CREB3L1: variants seen among roughly 807,000 people sequenced by gnomAD.
CREB3L1 encodes the protein cAMP responsive element binding protein 3 like 1.
CREB3L1 carries 33 observed loss-of-function variants against 54.5 expected under a neutral mutation model. The ratio of observed to expected loss-of-function variants is 0.61; its 90% CI spans 0.46 to 0.81. CREB3L1 has a LOEUF of 0.81. Ranked by LOEUF, CREB3L1 falls within the 30% of genes least tolerant of loss-of-function variation. CREB3L1 has a pLI of 0.00. For synonymous variants in CREB3L1, 284 were observed against 286.4 expected (o/e 0.99, Z 0.08); for missense variants, 656 against 673.3 (o/e 0.97, Z 0.29).
chr11:46,298,464 G>A (rs193059309), intron 1 of CREB3L1, among the ~76,000 whole-genome samples: 7 of 152,316 alleles, frequency 4.6e-5, no homozygotes, highest in Admixed American at 2.0e-4. Flanking sequence ...TTGGAAGGCC[G>A]AGGCGGGCAG....
At chr11:46,282,309 T>C (rs1397723285) in intron 1 of CREB3L1, among the ~76,000 whole-genome samples, 4 of 152,046 alleles carry the variant, frequency 2.6e-5, no homozygotes, top group Non-Finnish European at 5.9e-5. Context: ...TTTTAATGAG[T>C]TCTCATTACC....
At chr11:46,308,047 GGTGGGTCT>G in intron 3 of CREB3L1, 47 bp downstream of exon 3, 4 of 1,443,294 alleles carry the variant, frequency 2.8e-6, no homozygotes. Flanking sequence ...GAGGAGGGCT[GGTGGGTCT>G]GTGGGAAGAG....
chr11:46,312,963 G>A (rs1261514590), intron 8 of CREB3L1, 44 bp downstream of exon 8: 4 of 1,443,820 alleles, frequency 2.8e-6, no homozygotes, highest in Non-Finnish European at 3.8e-6. Context: ...CTGCCCCTCT[G>A]CAACCCGTGC....
intron 1 of CREB3L1, among the ~76,000 whole-genome samples, chr11:46,285,884 C>T (rs1467447242): frequency 6.6e-6 from 1 of 152,232 alleles, no homozygotes; most frequent in Non-Finnish European, 1.5e-5. Context: ...TTCAGGCCTT[C>T]ATGGAGAGCC....
Position 46,297,471 on chromosome 11 carries a change from G to A in CREB3L1, c.103-2464G>A, listed in dbSNP as rs572807725. On this transcript the variant is annotated intron_variant, in intron 1 of 11. Coordinates refer to ENST00000621158, the MANE Select transcript of CREB3L1 (RefSeq NM_052854.4). ...CCTGCTTCAGGGCAATTACCGGACC[G>A]GGGAGGGTCTGCTGCAGTTGTAAAA... 2.0e-5 allele frequency among the ~76,000 whole-genome samples: 3 copies of A among 152,212 alleles called. No individual in the cohort carries two copies. The South Asian group carries it at 6.2e-4, about 32-fold the overall frequency.
rs1341572636 is a variant in CREB3L1 at position 46,278,601 on chromosome 11, T to G, written c.102+388T>G. Among the ~76,000 whole-genome samples, 2 of 152,144 alleles carry G rather than the reference T, an allele frequency of 1.3e-5. No individual in the cohort carries two copies. The highest frequency in any genetic ancestry group is 2.9e-5 in the Non-Finnish European group (2 of 68,002). On this transcript the variant is annotated intron_variant, in intron 1 of 11. Coordinates refer to ENST00000621158, the MANE Select transcript of CREB3L1 (RefSeq NM_052854.4). This position sits in a 1 kb window ranked among gnomAD's most constrained non-coding sequence, Gnocchi z 4.2. ...CCTCCCTTGGGGCTTCGGTGGCTCA[T>G]AGGCTGGATCTCCGCTGGGGGGCGC...
rs1939644819 is a variant in CREB3L1, at chr11:46,320,987, G to C, written c.*241G>C. The C allele has an allele frequency of 1.5e-6, 1 of 652,828 alleles. No homozygotes were observed. The highest frequency in any genetic ancestry group is 2.8e-6 in the Non-Finnish European group (1 of 355,012). The allele number at this position is 652,828 out of a possible 1,614,324, so 40.4% of individuals were successfully genotyped here. On this transcript the variant is annotated 3_prime_UTR_variant, in exon 12 of 12. Transcript: ENST00000621158. ...GTCCTTCTCAGACAAACCACTCACTGGGTACCCCACCTCCTCTCTCATATG... is the reference window on the plus strand; with the variant it reads ...GTCCTTCTCAGACAAACCACTCACTCGGTACCCCACCTCCTCTCTCATATG...
chr11:46,301,859 G>C (rs1939308731), intron 2 of CREB3L1, among the ~76,000 whole-genome samples: 1 of 151,964 alleles, frequency 6.6e-6, no homozygotes, highest in East Asian at 1.9e-4. Flanking sequence ...GATGAGACAG[G>C]AGAGTCACTT....
chr11:46,297,202 G>C (rs1939223204), intron 1 of CREB3L1, among the ~76,000 whole-genome samples: 1 of 152,236 alleles, frequency 6.6e-6, no homozygotes, highest in African/African-American at 2.4e-5. Flanking sequence ...GGTGTAGCCA[G>C]CGCGGCCCTG....
intron 2 of CREB3L1, among the ~76,000 whole-genome samples, chr11:46,307,491 G>A (rs1253687353): frequency 1.3e-5 from 2 of 152,126 alleles, no homozygotes; most frequent in African/African-American, 2.4e-5. Flanking sequence ...TATTAGGTAC[G>A]TCCTGTTCCT....
At chr11:46,288,881 TAAC>T (rs1316170253) in intron 1 of CREB3L1, among the ~76,000 whole-genome samples, 2 of 152,198 alleles carry the variant, frequency 1.3e-5, no homozygotes, top group Non-Finnish European at 2.9e-5. Flanking sequence ...GCAAGCTGCT[TAAC>T]TACTCTGAGC....
intron 1 of CREB3L1, among the ~76,000 whole-genome samples, chr11:46,284,414 G>A (rs921489368): frequency 6.6e-6 from 1 of 152,140 alleles, no homozygotes; most frequent in Non-Finnish European, 1.5e-5. Flanking sequence ...ACTTTGGGAG[G>A]CTGAGGCAGG....
chr11:46,310,428 T>G (rs1028143336), intron 4 of CREB3L1, among the ~76,000 whole-genome samples: 1 of 151,900 alleles, frequency 6.6e-6, no homozygotes, highest in Non-Finnish European at 1.5e-5. Context: ...CCACCACGCC[T>G]GGCTAATTTT....
chr11:46,279,172 C>A (rs1938931029), intron 1 of CREB3L1, among the ~76,000 whole-genome samples: 1 of 150,982 alleles, frequency 6.6e-6, no homozygotes, highest in African/African-American at 2.4e-5. Context: ...TGTTCACACG[C>A]CACACACACA....
chr11:46,288,610 C>G (rs1013152922), intron 1 of CREB3L1, among the ~76,000 whole-genome samples: 2 of 152,126 alleles, frequency 1.3e-5, no homozygotes, highest in African/African-American at 4.8e-5. Context: ...CCAAAAAGCC[C>G]CAGGCCACTT....
At chr11:46,315,559 C>T (rs1205834429) in intron 8 of CREB3L1, 11 of 193,412 alleles carry the variant, frequency 5.7e-5, no homozygotes, top group African/African-American at 1.9e-4. Flanking sequence ...TGGCTGGGCA[C>T]GGTGGCCCAT....
intron 10 of CREB3L1, 36 bp downstream of exon 10, chr11:46,317,523 G>A (rs1939586106): frequency 1.2e-6 from 2 of 1,601,440 alleles, no homozygotes; most frequent in Admixed American, 1.7e-5. Context: ...TCCCTGGGCT[G>A]AGGCTGCCCT....
At chr11:46,306,373 A>G (rs1347049294) in intron 2 of CREB3L1, among the ~76,000 whole-genome samples, 1 of 152,086 alleles carries the variant, frequency 6.6e-6, no homozygotes, top group African/African-American at 2.4e-5. Context: ...GCATGGTGGC[A>G]TGCGCCTGTA....
At chr11:46,284,363 T>C (rs142892930) in intron 1 of CREB3L1, among the ~76,000 whole-genome samples, 1 of 151,992 alleles carries the variant, frequency 6.6e-6, no homozygotes, top group Non-Finnish European at 1.5e-5. Context: ...ATTAGAAGGC[T>C]TTTCTGGCCA....
Sources: gnomAD v4.1 joint callset for allele counts (sites outside exome capture counted in the v4.1 genomes callset) on GRCh38, gnomAD v4.1.1 for gene constraint, Gnocchi (gnomAD v3.1) non-coding constraint, MANE v1.5 for transcripts, NCBI Gene and HGNC (gene_info 2026-07-23, HGNC 2026-07-21) for gene names.